PAQR5: variants seen among roughly 807,000 people sequenced by gnomAD.
PAQR5 encodes the protein membrane progestin receptor gamma.
Under a neutral mutation model 34.5 loss-of-function variants are expected in PAQR5, and 20 were observed. The ratio of observed to expected loss-of-function variants is 0.58; its 90% CI spans 0.41 to 0.84. The LOEUF is 0.84. Ranked by LOEUF, PAQR5 falls within the 40% of genes least tolerant of loss-of-function variation. The pLI, the probability that PAQR5 is intolerant of heterozygous loss-of-function variation, is 0.00. For synonymous variants in PAQR5, 131 were observed against 155.6 expected (o/e 0.84, Z 1.18); for missense variants, 378 against 412.7 (o/e 0.92, Z 0.73).
At chr15:69,395,653 G>C (rs990300214) in intron 6 of PAQR5, among the ~76,000 whole-genome samples, 1 of 152,148 alleles carries the variant, frequency 6.6e-6, no homozygotes, top group Non-Finnish European at 1.5e-5. Flanking sequence ...AAAGGTTAGT[G>C]ACCTGCCGAG....
chr15:69,382,531 G>C (rs1429058555), intron 4 of PAQR5, among the ~76,000 whole-genome samples: 1 of 150,784 alleles, frequency 6.6e-6, no homozygotes, highest in African/African-American at 2.4e-5. Context: ...TGTAGTCCCA[G>C]CTACTTGGGA....
chr15:69,307,997 A>T (rs2053755720), intron 1 of PAQR5, among the ~76,000 whole-genome samples: 1 of 152,150 alleles, frequency 6.6e-6, no homozygotes, highest in African/African-American at 2.4e-5. Flanking sequence ...CCTGGAGATG[A>T]ACTTAGAGAC....
intron 2 of PAQR5, among the ~76,000 whole-genome samples, chr15:69,347,282 T>C (rs755364846): frequency 2.6e-5 from 4 of 152,222 alleles, no homozygotes; most frequent in Non-Finnish European, 4.4e-5. Context: ...TACCTGATAG[T>C]TTGTCTCAAG....
intron 6 of PAQR5, chr15:69,391,498 T>A (rs1638595017): frequency 3.1e-6 from 1 of 327,470 alleles, no homozygotes; most frequent in African/African-American, 2.2e-5. Flanking sequence ...GTATAACAGA[T>A]ATAGAACAGT....
At chr15:69,343,201 C>T (rs1402049116) in intron 2 of PAQR5, among the ~76,000 whole-genome samples, 1 of 152,274 alleles carries the variant, frequency 6.6e-6, no homozygotes, top group African/African-American at 2.4e-5. Flanking sequence ...TTTGCATTAC[C>T]CGACTATGAG....
chr15:69,389,749 A>G lies in PAQR5; in HGVS notation c.481A>G (p.Ile161Val). Residue 161 changes from isoleucine to valine, a missense_variant, in exon 6 of 9, where the codon ATC becomes GTC. Physicochemically the swap from Ile to Val is conservative, Grantham distance 29. Coordinates refer to ENST00000395407, the MANE Select transcript of PAQR5 (RefSeq NM_017705.4). Reference protein sequence around the residue: ...YYVALAVLNTILSTGLSCYSR... With the variant: ...YYVALAVLNTVLSTGLSCYSR... ...CGTGGCCCTGGCTGTACTGAACACC[A>G]TCCTCAGCACAGGCCTCTCCTGCTA... is the stretch of plus-strand genomic sequence containing the variant. 1 of 1,614,042 alleles carries G rather than the reference A, an allele frequency of 6.2e-7. No individual in the cohort carries two copies. The highest frequency in any genetic ancestry group is 8.5e-7 in the Non-Finnish European group (1 of 1,179,994).
intron 1 of PAQR5, among the ~76,000 whole-genome samples, chr15:69,307,728 G>A (rs1052930337): frequency 3.9e-5 from 6 of 152,234 alleles, no homozygotes; most frequent in Non-Finnish European, 7.3e-5. Flanking sequence ...GATGTCCCAG[G>A]TGGACTGAGA....
rs528306118 is a variant in PAQR5 at position 69,328,715 on chromosome 15, C to T, written c.-276-8626C>T. Among the ~76,000 whole-genome samples, 4 of 152,326 alleles carry T rather than the reference C, an allele frequency of 2.6e-5. No individual in the cohort carries two copies. In the South Asian group the frequency reaches 6.2e-4, roughly 24 times the overall value. Reference sequence around the variant, plus strand: ...CATGGATGGCAACCCCTCCTTAGGGCCCTGCCAGGTTCCCGTTGCCTTTCC... The same window carrying T: ...CATGGATGGCAACCCCTCCTTAGGGTCCTGCCAGGTTCCCGTTGCCTTTCC... On this transcript the variant is annotated intron_variant, in intron 1 of 8. Transcript: ENST00000395407.
intron 1 of PAQR5, chr15:69,314,317 C>G (rs997616806): frequency 6.6e-6 from 1 of 152,168 alleles, no homozygotes; most frequent in Non-Finnish European, 1.5e-5. Flanking sequence ...TCCCTCCTGT[C>G]CCTCCTAGTC....
At position 69,382,746 on chromosome 15, in the gene PAQR5, GTGTGTATATATA is replaced by G. The variant is rs1384676398; in HGVS notation, c.180-1914_180-1903del. 9 of 130,556 alleles carry G rather than the reference GTGTGTATATATA, an allele frequency of 6.9e-5. No individual in the cohort carries two copies. In the East Asian group the frequency reaches 1.1e-3, roughly 16 times the overall value. 8.1% of individuals were successfully genotyped at this position (130,556 alleles called of 1,614,324 possible). On this transcript the variant is annotated intron_variant, in intron 4 of 8. Transcript: ENST00000395407. ...TGTATGTATATGTGTATATATATAT[GTGTGTATATATA>G]TGTGTATATATATGTGACCATATAT...
chr15:69,383,528 G>A (rs1358298665), intron 4 of PAQR5, among the ~76,000 whole-genome samples: 4 of 139,662 alleles, frequency 2.9e-5, no homozygotes, highest in Admixed American at 7.0e-5. Flanking sequence ...TGTGTTCATC[G>A]TGGAGGGTGA....
chr15:69,354,951 T>C (rs2055017316), intron 2 of PAQR5, among the ~76,000 whole-genome samples: 2 of 152,204 alleles, frequency 1.3e-5, no homozygotes, highest in Admixed American at 1.3e-4. Flanking sequence ...CCTTGGACTC[T>C]AGGACTTGCA....
chr15:69,352,580 C>A (rs888801450), intron 2 of PAQR5, among the ~76,000 whole-genome samples: 4 of 152,206 alleles, frequency 2.6e-5, no homozygotes, highest in African/African-American at 9.6e-5. Context: ...AAAACCGGGG[C>A]CTGCCGTCCA....
intron 1 of PAQR5, among the ~76,000 whole-genome samples, chr15:69,332,811 G>A (rs908583597): frequency 1.5e-5 from 2 of 132,604 alleles, no homozygotes; most frequent in African/African-American, 3.0e-5. Flanking sequence ...AAAAAGAAAC[G>A]GCTTACCTTC....
chr15:69,374,550 G>C (rs1449180746), intron 3 of PAQR5, among the ~76,000 whole-genome samples: 2 of 152,122 alleles, frequency 1.3e-5, no homozygotes, highest in Non-Finnish European at 2.9e-5. Flanking sequence ...AGTGGCATGT[G>C]CCTGTAATCC....
intron 2 of PAQR5, 89 bp from the exon 3 acceptor site, chr15:69,359,877 T>G: frequency 3.6e-6 from 2 of 557,472 alleles, no homozygotes; most frequent in Non-Finnish European, 6.5e-6. Flanking sequence ...GTAGCAAGTA[T>G]ATGTTCAATA....
intron 3 of PAQR5, among the ~76,000 whole-genome samples, chr15:69,368,826 T>C (rs927526898): frequency 6.6e-6 from 1 of 152,150 alleles, no homozygotes; most frequent in Non-Finnish European, 1.5e-5. Context: ...AGTGTCATGG[T>C]GCAGTCATGG....
At chr15:69,329,275 A>G (rs1030271655) in intron 1 of PAQR5, among the ~76,000 whole-genome samples, 5 of 152,094 alleles carry the variant, frequency 3.3e-5, no homozygotes, top group African/African-American at 7.2e-5. Flanking sequence ...AGGTCCATCC[A>G]TGGATTTTCA....
chr15:69,384,679 T>G lies in PAQR5; in HGVS notation c.182T>G (p.Phe61Cys). The stretch of plus-strand genomic sequence containing the variant: ...TGAGTGAGCCCTCTGTGTTCCAGGT[T>G]CTTTGCATGGAGGTTTGTGACTGCA... ...NIWTHLLPFW[F>C]FAWRFVTALY... is the part of the protein sequence containing the mutation. The change falls in exon 5 of 9, where the codon TTC (phenylalanine) becomes TGC (cysteine). Residue 61 changes from phenylalanine to cysteine, a missense_variant and splice_region_variant. Transcript: ENST00000395407. 1 of 1,612,518 alleles carries G rather than the reference T, an allele frequency of 6.2e-7. No homozygotes were observed. Among genetic ancestry groups the G allele is most frequent in the Non-Finnish European group, 8.5e-7 (1 of 1,178,608 alleles).
Sources: gnomAD v4.1 joint callset for allele counts (sites outside exome capture counted in the v4.1 genomes callset) on GRCh38, gnomAD v4.1.1 for gene constraint, MANE v1.5 for transcripts, NCBI Gene and HGNC (gene_info 2026-07-23, HGNC 2026-07-21) for gene names.